INSC: variants seen among roughly 807,000 people sequenced by gnomAD.
The protein encoded by INSC is INSC spindle orientation adaptor protein.
Under a neutral mutation model 58.6 loss-of-function variants are expected in INSC, and 67 were observed. The ratio of observed to expected loss-of-function variants is 1.14; its 90% confidence interval spans 0.94 to 1.40. The LOEUF (loss-of-function observed/expected upper bound fraction) is 1.40, where lower values mean the gene tolerates loss of function less well. Ranked by LOEUF, INSC falls within the 40% of genes most tolerant of loss-of-function variation. The pLI is 0.00. For missense variants in INSC, 714 were observed against 692.0 expected (o/e 1.03, Z -0.36); for synonymous variants, 262 against 276.1 (o/e 0.95, Z 0.51).
At chr11:15,158,468 A>T (rs1333657290) in intron 2 of INSC, among the ~76,000 whole-genome samples, 1 of 151,942 alleles carries the variant, frequency 6.6e-6, no homozygotes, top group Non-Finnish European at 1.5e-5. Context: ...TGCCTTTGTC[A>T]TCCTGGCAAC....
At chr11:15,167,047 T>A (rs1189984480) in intron 2 of INSC, among the ~76,000 whole-genome samples, 1 of 152,336 alleles carries the variant, frequency 6.6e-6, no homozygotes, top group Non-Finnish European at 1.5e-5. Flanking sequence ...TGGTGGATTT[T>A]TTTTTATTTT....
At chr11:15,189,096 G>A (rs769162693) in intron 5 of INSC, among the ~76,000 whole-genome samples, 20 of 152,120 alleles carry the variant, frequency 1.3e-4, no homozygotes, top group South Asian at 4.2e-4. Context: ...CATGTTGTGC[G>A]TGTGTGAGGA....
chr11:15,120,934 AT>A (rs1353633155), intron 1 of INSC, among the ~76,000 whole-genome samples: 3 of 150,214 alleles, frequency 2.0e-5, no homozygotes, highest in African/African-American at 7.5e-5. Context: ...CATTTACTTT[AT>A]TAACTTTCAT....
intron 2 of INSC, among the ~76,000 whole-genome samples, chr11:15,167,291 G>A (rs1366927776): frequency 1.3e-5 from 2 of 151,974 alleles, no homozygotes; most frequent in Non-Finnish European, 2.9e-5. Flanking sequence ...GGACATAAGC[G>A]GCATGCACCT....
intron 1 of INSC, among the ~76,000 whole-genome samples, chr11:15,145,028 G>T (rs775819916): frequency 6.6e-6 from 1 of 152,122 alleles, no homozygotes; most frequent in African/African-American, 2.4e-5. Context: ...GTGATGGAGG[G>T]ATTTCTTCTT....
rs1259378341 is a variant in INSC at position 15,200,804 on chromosome 11, A to G, written c.694-20A>G. On this transcript the variant is annotated intron_variant, in intron 6 of 12. Transcript: ENST00000379556. The stretch of plus-strand genomic sequence containing the variant: ...CAAGGTCACACAGTAAGATGATGTG[A>G]CATTTCTTTCTCTTGGCAGGAGGGT... 2 of 1,613,926 alleles carry G rather than the reference A, an allele frequency of 1.2e-6. No homozygotes were observed. The highest frequency in any genetic ancestry group is 1.7e-6 in the Non-Finnish European group (2 of 1,179,954).
In INSC at chr11:15,179,465, G is replaced by A. The variant is rs113417857; in HGVS notation, c.579+1018G>A. 7.9e-4 allele frequency among the ~76,000 whole-genome samples: 120 copies of A among 152,196 alleles called. 1 individual carries two copies. In the East Asian group the frequency reaches 0.012, roughly 15 times the overall value. On this transcript the variant is annotated intron_variant, in intron 5 of 12. Coordinates refer to ENST00000379556, the MANE Select transcript of INSC (RefSeq NM_001042536.3). ...CCTCTCCAAATTCAGCCTCTCTGCC[G>A]AGCCCAGGGTTTGCTTTCTCTCCTT...
At chr11:15,218,414 A>C (rs1851304269) in intron 7 of INSC, among the ~76,000 whole-genome samples, 1 of 152,206 alleles carries the variant, frequency 6.6e-6, no homozygotes, top group South Asian at 2.1e-4. Context: ...ATCCAGCAGG[A>C]GAAATCAGAG....
intron 9 of INSC, 124 bp from the exon 10 acceptor site, chr11:15,235,478 C>A (rs537533039): frequency 1.3e-6 from 1 of 769,440 alleles, no homozygotes; most frequent in East Asian, 2.5e-5. Context: ...AGGATAGGCC[C>A]GGTGGACAGG....
At chr11:15,135,197 A>C (rs1437024477) in intron 1 of INSC, among the ~76,000 whole-genome samples, 1 of 152,200 alleles carries the variant, frequency 6.6e-6, no homozygotes, top group Non-Finnish European at 1.5e-5. Flanking sequence ...TTTTTGGAGC[A>C]TCATAGAACA....
At chr11:15,154,697 C>G (rs1848753478) in intron 2 of INSC, among the ~76,000 whole-genome samples, 1 of 152,128 alleles carries the variant, frequency 6.6e-6, no homozygotes, top group South Asian at 2.1e-4. Context: ...TCTCTCTGAG[C>G]CTTAGTTTCT....
chr11:15,169,397 C>T (rs1417040058), intron 2 of INSC, among the ~76,000 whole-genome samples: 1 of 152,220 alleles, frequency 6.6e-6, no homozygotes, highest in Non-Finnish European at 1.5e-5. Context: ...TTGAGGAAGG[C>T]TCTGTTCCTG....
At chr11:15,195,262 C>T (rs984693306) in intron 6 of INSC, among the ~76,000 whole-genome samples, 2 of 152,252 alleles carry the variant, frequency 1.3e-5, no homozygotes, top group Non-Finnish European at 2.9e-5. Context: ...ATGATTAATT[C>T]CAAACAGTAA....
At chr11:15,221,012 G>T (rs538723071) in intron 7 of INSC, among the ~76,000 whole-genome samples, 1 of 152,192 alleles carries the variant, frequency 6.6e-6, no homozygotes, top group Non-Finnish European at 1.5e-5. Context: ...ATCAGGCATT[G>T]CCTGCTTTAT....
intron 5 of INSC, among the ~76,000 whole-genome samples, chr11:15,184,690 A>G (rs936097179): frequency 2.6e-5 from 4 of 152,220 alleles, no homozygotes; most frequent in Non-Finnish European, 5.9e-5. Context: ...CGCCACATCC[A>G]GTGAAACATT....
intron 7 of INSC, among the ~76,000 whole-genome samples, chr11:15,219,286 C>A (rs1365601631): frequency 6.6e-6 from 1 of 152,076 alleles, no homozygotes; most frequent in African/African-American, 2.4e-5. Flanking sequence ...ACAATGATAG[C>A]AAAGGTACTT....
At chr11:15,134,284 C>T (rs192630134) in intron 1 of INSC, among the ~76,000 whole-genome samples, 23 of 152,228 alleles carry the variant, frequency 1.5e-4, no homozygotes, top group African/African-American at 4.1e-4. Context: ...TCCAATTGAA[C>T]GATGACACAA....
the INSC span, among the ~76,000 whole-genome samples, chr11:15,255,717 T>C: frequency 7.0e-6 from 1 of 142,884 alleles, no homozygotes; most frequent in Non-Finnish European, 1.5e-5. Context: ...TTTGTATGTA[T>C]GTATATGTAA....
intron 7 of INSC, among the ~76,000 whole-genome samples, chr11:15,217,220 G>A (rs886117842): frequency 6.6e-6 from 1 of 152,158 alleles, no homozygotes; most frequent in African/African-American, 2.4e-5. Flanking sequence ...GCAGCAGCAA[G>A]GAGAAGTGCA....
Sources: allele counts gnomAD v4.1 joint callset (sites outside exome capture counted in the v4.1 genomes callset), GRCh38; gene constraint gnomAD v4.1.1; transcripts MANE v1.5; gene names NCBI Gene and HGNC (gene_info 2026-07-23, HGNC 2026-07-21).